The following LIPN variants were observed in gnomAD, a reference collection of about 807,000 sequenced individuals.
The protein encoded by LIPN is lipase family member N.
In LIPN, 32 loss-of-function variants were observed where a neutral mutation model predicts 43.7. The ratio of observed to expected loss-of-function variants is 0.73; its 90% CI spans 0.55 to 0.98. The LOEUF is 0.98. Among genes scored for constraint, LIPN ranks in the 50% least tolerant of loss-of-function variants. The pLI is 0.00. For synonymous variants in LIPN, 156 were observed against 157.6 expected (o/e 0.99, Z 0.08); for missense variants, 505 against 483.8 (o/e 1.04, Z -0.41).
Position 88,769,544 on chromosome 10 carries a change from CT to C in LIPN, c.672+617del, listed in dbSNP as rs1843170616. 15 of 911,674 alleles carry C rather than the reference CT, an allele frequency of 1.6e-5. No individual in the cohort carries two copies. In the African/African-American group the frequency reaches 2.7e-4, roughly 16 times the overall value. 56.5% of individuals were successfully genotyped at this position (911,674 alleles called of 1,614,324 possible). On this transcript the variant is annotated intron_variant, in intron 6 of 9. Transcript: ENST00000404459. Reference sequence around the variant, plus strand: ...TTTTTTTTTCTCTTTGCTTTTGTTTCTCTACAAAGGTCATTGCCACAATGAA... The same window carrying C: ...TTTTTTTTTCTCTTTGCTTTTGTTTCCTACAAAGGTCATTGCCACAATGAA...
At chr10:88,765,188 T>C (rs1265274098) in intron 4 of LIPN, among the ~76,000 whole-genome samples, 1 of 151,992 alleles carries the variant, frequency 6.6e-6, no homozygotes, top group Non-Finnish European at 1.5e-5. Flanking sequence ...TAATGGGCAA[T>C]GAAGAAGAAT....
At chr10:88,772,520 C>T (rs1843226381) in intron 7 of LIPN, among the ~76,000 whole-genome samples, 1 of 151,692 alleles carries the variant, frequency 6.6e-6, no homozygotes, top group South Asian at 2.1e-4. Flanking sequence ...TGTCCTTTGC[C>T]CAATGTATGT....
chr10:88,771,112 AT>A (rs201501245), intron 7 of LIPN, 121 bp downstream of exon 7: 707 of 820,114 alleles, frequency 8.6e-4, no homozygotes, highest in Middle Eastern at 1.8e-3. Context: ...TTAAAGACAG[AT>A]TTTTTTTTGC....
At chr10:88,776,121 A>C (rs1232021724) in intron 9 of LIPN, among the ~76,000 whole-genome samples, 1 of 152,056 alleles carries the variant, frequency 6.6e-6, no homozygotes, top group East Asian at 1.9e-4. Context: ...CCACAATCTA[A>C]ATATAGGACG....
chr10:88,763,588 C>T lies in LIPN; in HGVS notation c.227-822C>T, dbSNP rs539792682. 1.7e-3 allele frequency among the ~76,000 whole-genome samples: 255 copies of T among 152,076 alleles called. 3 individuals carry two copies. The highest frequency in any genetic ancestry group is 5.9e-3 in the African/African-American group (244 of 41,502). On this transcript the variant is annotated intron_variant, in intron 3 of 9. Coordinates refer to ENST00000404459, the MANE Select transcript of LIPN (RefSeq NM_001102469.2). The stretch of plus-strand genomic sequence containing the variant: ...AGGCACAACCGGTTATGTTAAGAGG[C>T]CTAAAGTCCACAAATAGCAAGCTGA...
chr10:88,775,250 A>G, intron 9 of LIPN, 87 bp downstream of exon 9: 1 of 846,494 alleles, frequency 1.2e-6, no homozygotes, highest in Non-Finnish European at 1.8e-6. Flanking sequence ...CCTACCTGTC[A>G]TTTGGTGGCA....
chr10:88,762,313 A>G lies in LIPN; in HGVS notation c.226+8A>G, dbSNP rs1421534990. 2.6e-6 allele frequency: 4 copies of G among 1,542,868 alleles called. No individual in the cohort carries two copies. The highest frequency in any genetic ancestry group is 1.7e-5 in the Admixed American group (1 of 57,290). On this transcript the variant is annotated splice_region_variant and intron_variant, in intron 3 of 9. Transcript: ENST00000404459. ...CACATGCTAGGAGCACAGGTACAAGATATGTCTCTCCTGAAAAGGGGACTG... is the reference window on the plus strand; with the variant it reads ...CACATGCTAGGAGCACAGGTACAAGGTATGTCTCTCCTGAAAAGGGGACTG...
chr10:88,773,923 G>A (rs1042991194), intron 7 of LIPN, among the ~76,000 whole-genome samples: 1 of 151,800 alleles, frequency 6.6e-6, no homozygotes, highest in Non-Finnish European at 1.5e-5. Context: ...GAAAAAATTG[G>A]CTTTTAGCTT....
upstream of LIPN, among the ~76,000 whole-genome samples, chr10:88,759,055 G>A (rs769789988): frequency 6.6e-6 from 1 of 152,112 alleles, no homozygotes; most frequent in Non-Finnish European, 1.5e-5. Flanking sequence ...AAACATGCTT[G>A]AGTCTTTCAT....
intron 7 of LIPN, 58 bp from the exon 8 acceptor site, chr10:88,774,415 T>C (rs1281386214): frequency 1.2e-5 from 14 of 1,192,490 alleles, no homozygotes; most frequent in Admixed American, 1.8e-5. Flanking sequence ...TTTTCTCTGA[T>C]TCTGAAAGGC....
chr10:88,760,151 C>T (rs971401946), intron 1 of LIPN, among the ~76,000 whole-genome samples, 45 bp downstream of exon 1: 9 of 152,018 alleles, frequency 5.9e-5, no homozygotes, highest in Non-Finnish European at 1.2e-4. Context: ...TTGGAAGGTG[C>T]CAGTTGCACT....
Position 88,762,283 on chromosome 10 carries a change from G to A in LIPN, c.204G>A (p.Gly68=). Residue 68 remains glycine (G), a synonymous_variant, in exon 3 of 10, where the codon GGG becomes GGA. Coordinates refer to ENST00000404459, the MANE Select transcript of LIPN (RefSeq NM_001102469.2). ...TCCTTGTCAACAGAATTCCTTATGG[G>A]CGAACACATGCTAGGAGCACAGGTA... ...YILLVNRIPY[G]RTHARSTGPR... is the part of the protein sequence containing the mutation. 1 of 1,605,050 alleles carries A rather than the reference G, an allele frequency of 6.2e-7. No individual in the cohort carries two copies. Among genetic ancestry groups the A allele is most frequent in the South Asian group, 1.1e-5 (1 of 89,604 alleles).
chr10:88,775,265 T>C, intron 9 of LIPN, 102 bp downstream of exon 9: 1 of 640,726 alleles, frequency 1.6e-6, no homozygotes, highest in Non-Finnish European at 2.5e-6. Context: ...GTGGCATTTA[T>C]ACTGATAGAA....
At chr10:88,773,121 T>C (rs988492981) in intron 7 of LIPN, among the ~76,000 whole-genome samples, 4 of 150,800 alleles carry the variant, frequency 2.7e-5, no homozygotes, top group African/African-American at 4.9e-5. Flanking sequence ...AAAATACCAA[T>C]GACATTCTTC....
At chr10:88,771,233 A>G (rs1173002405) in intron 7 of LIPN, among the ~76,000 whole-genome samples, 1 of 151,848 alleles carries the variant, frequency 6.6e-6, no homozygotes, top group Non-Finnish European at 1.5e-5. Context: ...TGGGATATCC[A>G]TCACCTCAAG....
At chr10:88,759,690 G>A (rs917250771), upstream of LIPN, among the ~76,000 whole-genome samples, 2 of 152,072 alleles carry the variant, frequency 1.3e-5, no homozygotes, top group African/African-American at 4.8e-5. Flanking sequence ...TGATCCTCAT[G>A]AAGGATCAAA....
In LIPN at chr10:88,761,505, A is replaced by G. The variant is rs1262109937; in HGVS notation, c.100A>G (p.Met34Val). 19 of 1,606,342 alleles carry G rather than the reference A, an allele frequency of 1.2e-5. No individual in the cohort carries two copies. The Admixed American group carries it at 3.2e-4, about 27-fold the overall frequency. The change falls in exon 2 of 10, where the codon ATG (methionine) becomes GTG (valine). Residue 34 changes from methionine to valine, a missense_variant. By Grantham distance (21) the Met-to-Val change is conservative. Transcript: ENST00000404459. Reference protein sequence around the residue: ...LENEVNPEVWMNTSEIIIYNG... With the variant: ...LENEVNPEVWVNTSEIIIYNG... ...AAATGAAGTGAATCCTGAGGTGTGGATGAATACTGTAAGTCATGGAAAACT... is the reference window on the plus strand; with the variant it reads ...AAATGAAGTGAATCCTGAGGTGTGGGTGAATACTGTAAGTCATGGAAAACT...
chr10:88,774,683 C>T, intron 8 of LIPN, 139 bp downstream of exon 8: 3 of 679,148 alleles, frequency 4.4e-6, no homozygotes, highest in Non-Finnish European at 7.8e-6. Flanking sequence ...TTCTGTATGC[C>T]TTGATTTCCC....
intron 1 of LIPN, among the ~76,000 whole-genome samples, chr10:88,760,703 AC>A (rs1188875045): frequency 1.3e-5 from 2 of 152,136 alleles, no homozygotes; most frequent in Admixed American, 6.6e-5. Flanking sequence ...AAACCAAGAG[AC>A]AAAGCTACTA....
Sources: gnomAD v4.1 joint callset for allele counts (sites outside exome capture counted in the v4.1 genomes callset) on GRCh38, gnomAD v4.1.1 for gene constraint, MANE v1.5 for transcripts, NCBI Gene and HGNC (gene_info 2026-07-23, HGNC 2026-07-21) for gene names.